PRCC: variants seen among roughly 807,000 people sequenced by gnomAD.
PRCC encodes the protein proline rich mitotic checkpoint control factor.
In PRCC, 10 loss-of-function variants were observed where a neutral mutation model predicts 44.0. The ratio of observed to expected loss-of-function variants is 0.23; its 90% CI spans 0.14 to 0.39. The LOEUF is 0.39. PRCC is among the 10% of genes least tolerant of loss of function. The probability of loss-of-function intolerance (pLI) is 1.00; values close to 1 mark genes in which losing one functional copy is unlikely to be tolerated. For synonymous variants in PRCC, 278 were observed against 259.5 expected, an observed-to-expected ratio of 1.07 and a Z score of -0.69; for missense variants, 573 against 624.7, an observed-to-expected ratio of 0.92 and a Z score of 0.88.
In PRCC at chr1:156,767,925, C is replaced by T. The variant is rs1443046072; in HGVS notation, c.154C>T (p.Pro52Ser). The T allele has an allele frequency of 1.3e-6, 2 of 1,593,524 alleles. No homozygotes were observed. The highest frequency in any genetic ancestry group is 1.7e-6 in the Non-Finnish European group (2 of 1,170,430). Residue 52 changes from proline to serine, a missense_variant, in exon 1 of 7, where the codon CCT becomes TCT. Around this residue, in one of 4 missense-constraint regions of PRCC, gnomAD observed 245 missense variants for 188.5 expected, o/e 1.30. Transcript: ENST00000271526. ...LPAPKGPALL[P>S]PPPQMLAPAF... Reference sequence around the variant, plus strand: ...TGCGCCCAAGGGTCCGGCCTTGCTGCCTCCGCCCCCTCAGATGCTGGCGCC... The same window carrying T: ...TGCGCCCAAGGGTCCGGCCTTGCTGTCTCCGCCCCCTCAGATGCTGGCGCC...
intron 4 of PRCC, among the ~76,000 whole-genome samples, chr1:156,792,053 CTTTTTTTTTTTTTTTTTTTTTT>C (rs67388360): frequency 3.4e-5 from 2 of 58,408 alleles, no homozygotes; most frequent in Non-Finnish European, 6.5e-5. Flanking sequence ...TAGTCCCCTT[CTTTTTTTTTTTTTTTTTTTTTT>C]TTTTTTGGTA....
chr1:156,793,840 C>T (rs1159892861), intron 4 of PRCC, among the ~76,000 whole-genome samples: 1 of 151,730 alleles, frequency 6.6e-6, no homozygotes, highest in Non-Finnish European at 1.5e-5. Context: ...ATTGCCCAGG[C>T]TTGTCTCAAA....
intron 1 of PRCC, among the ~76,000 whole-genome samples, chr1:156,774,704 C>T (rs1008610698): frequency 6.6e-6 from 1 of 151,646 alleles, no homozygotes. Flanking sequence ...CTGTAAACCC[C>T]GCACTTTGGG....
intron 6 of PRCC, among the ~76,000 whole-genome samples, chr1:156,797,848 A>G (rs1436730904): frequency 6.6e-6 from 1 of 152,232 alleles, no homozygotes; most frequent in Non-Finnish European, 1.5e-5. Flanking sequence ...TTTATTTAAT[A>G]TGACTGGGCA....
Position 156,767,662 on chromosome 1 carries a change from T to C in PRCC, c.-110T>C. The C allele has an allele frequency of 8.5e-7, 1 of 1,173,652 alleles. No individual in the cohort carries two copies. Among genetic ancestry groups the C allele is most frequent in the South Asian group, 1.6e-5 (1 of 62,008 alleles). 72.7% of individuals were successfully genotyped at this position (1,173,652 alleles called of 1,614,324 possible). A position where few individuals can be genotyped will look rare whatever the true frequency, so the allele number is the denominator to read the frequency against. On this transcript the variant is annotated 5_prime_UTR_variant, in exon 1 of 7. Transcript: ENST00000271526. ...GCCCTAGAGTACGGAGCAGGCGGAC[T>C]TTTCGGTTCCCCGCCCCGCCAGGTG...
At chr1:156,775,206 C>A (rs1651780082) in intron 1 of PRCC, among the ~76,000 whole-genome samples, 1 of 151,988 alleles carries the variant, frequency 6.6e-6, no homozygotes, top group Non-Finnish European at 1.5e-5. Flanking sequence ...CGAGATTGCG[C>A]CACTGCACTC....
chr1:156,770,404 C>T (rs977497135), intron 1 of PRCC, among the ~76,000 whole-genome samples: 34 of 152,294 alleles, frequency 2.2e-4, no homozygotes, highest in Admixed American at 1.4e-3. Flanking sequence ...GATGTAGTTT[C>T]GCTCCTGTTG....
At position 156,783,960 on chromosome 1, in the gene PRCC, T is replaced by TG. The variant is rs1553253010; in HGVS notation, c.516+1638dup. 4.0e-3 allele frequency among the ~76,000 whole-genome samples: 602 copies of TG among 150,128 alleles called. 5 individuals carry two copies. The highest frequency in any genetic ancestry group is 0.022 in the East Asian group (112 of 5,068). ...TTTATTTATTTAATTTTTTTTTTTTTGGGGGGGACGGAGTCTCGCTCTACC... is the reference window on the plus strand; with the variant it reads ...TTTATTTATTTAATTTTTTTTTTTTTGGGGGGGGACGGAGTCTCGCTCTACC... On this transcript the variant is annotated intron_variant, in intron 2 of 6. Transcript: ENST00000271526.
chr1:156,785,762 C>T (rs138640223), intron 2 of PRCC, among the ~76,000 whole-genome samples: 1,975 of 151,462 alleles, frequency 0.013, 19 homozygotes, highest in Non-Finnish European at 0.019. Context: ...GTCATTAGCG[C>T]TGCTGAGGGG....
intron 1 of PRCC, among the ~76,000 whole-genome samples, chr1:156,780,351 G>A (rs760214838): frequency 5.3e-5 from 8 of 151,894 alleles, no homozygotes; most frequent in African/African-American, 4.8e-5. Flanking sequence ...GAGCCACTGC[G>A]CCACACTGTC....
chr1:156,791,419 A>G (rs1652468180), intron 3 of PRCC: 1 of 496,614 alleles, frequency 2.0e-6, no homozygotes, highest in African/African-American at 1.9e-5. Flanking sequence ...CAAGGTATAG[A>G]TTGAAGCAGG....
chr1:156,782,359 T>C (rs1233305282), intron 2 of PRCC, 30 bp downstream of exon 2: 1 of 1,563,060 alleles, frequency 6.4e-7, no homozygotes, highest in Admixed American at 1.7e-5. Flanking sequence ...CCATTTTTTT[T>C]CTCTTCCTGT....
At position 156,788,745 on chromosome 1, in the gene PRCC, T is replaced by C. The variant is rs535757639; in HGVS notation, c.1083+1571T>C. ...TGGTGCGATCTCAGCTCGCCGCAAC[T>C]CTGCCTCCCAGGTTCAAGCGATTAT... On this transcript the variant is annotated intron_variant, in intron 3 of 6. Coordinates refer to ENST00000271526, the MANE Select transcript of PRCC (RefSeq NM_005973.5). Among the ~76,000 whole-genome samples the C allele has an allele frequency of 3.6e-5, 5 of 138,766 alleles. No individual in the cohort carries two copies. In the South Asian group the frequency reaches 1.2e-3, roughly 33 times the overall value. 91.0% of individuals were successfully genotyped at this position (138,766 alleles called of 152,430 possible).
chr1:156,771,822 C>G (rs1447992849), intron 1 of PRCC, among the ~76,000 whole-genome samples: 1 of 152,090 alleles, frequency 6.6e-6, no homozygotes, highest in South Asian at 2.1e-4. Flanking sequence ...TGAGCCACCA[C>G]GCCTAGCCTT....
In PRCC at chr1:156,767,792, C is replaced by T. The variant is rs757344952; in HGVS notation, c.21C>T (p.Ala7=). ...GCGCCATGTCGCTGGTTGCTTACGC[C>T]AGCAGCGATGAGAGCGAGCCGGATG... MSLVAY[A]SSDESEPDEA... Residue 7 remains alanine (A), a synonymous_variant, in exon 1 of 7, where the codon GCC becomes GCT. Transcript: ENST00000271526. 1 of 1,607,364 alleles carries T rather than the reference C, an allele frequency of 6.2e-7. No homozygotes were observed. The highest frequency in any genetic ancestry group is 8.5e-7 in the Non-Finnish European group (1 of 1,178,148).
Position 156,767,688 on chromosome 1 carries a change from G to A in PRCC, c.-84G>A. The A allele has an allele frequency of 7.2e-7, 1 of 1,383,052 alleles. No homozygotes were observed. Among genetic ancestry groups the A allele is most frequent in the Non-Finnish European group, 9.6e-7 (1 of 1,036,944 alleles). 85.7% of individuals were successfully genotyped at this position (1,383,052 alleles called of 1,614,324 possible). ...TTTCGGTTCCCCGCCCCGCCAGGTGGCGGGGCCTACTAGGCCTCCGGGCAT... is the reference window on the plus strand; with the variant it reads ...TTTCGGTTCCCCGCCCCGCCAGGTGACGGGGCCTACTAGGCCTCCGGGCAT... On this transcript the variant is annotated 5_prime_UTR_variant, in exon 1 of 7. Transcript: ENST00000271526.
At chr1:156,776,685 A>G (rs989890078) in intron 1 of PRCC, among the ~76,000 whole-genome samples, 1 of 152,228 alleles carries the variant, frequency 6.6e-6, no homozygotes, top group Non-Finnish European at 1.5e-5. Context: ...GTATAGTTTT[A>G]TAAATGTAAT....
intron 4 of PRCC, among the ~76,000 whole-genome samples, chr1:156,793,959 T>C (rs1264555742): frequency 8.9e-5 from 13 of 146,262 alleles, no homozygotes; most frequent in Non-Finnish European, 1.2e-4. Context: ...TCTTTCTTTT[T>C]TTTTTTTTTT....
intron 3 of PRCC, among the ~76,000 whole-genome samples, chr1:156,789,347 C>T (rs1652398362): frequency 6.6e-6 from 1 of 152,170 alleles, no homozygotes. Context: ...GGAGCACTTC[C>T]CCTATGTTGA....
Sources: allele counts gnomAD v4.1 joint callset (sites outside exome capture counted in the v4.1 genomes callset), GRCh38; gene constraint gnomAD v4.1.1; regional missense constraint gnomAD v4.1.1; transcripts MANE v1.5; gene names NCBI Gene and HGNC (gene_info 2026-07-23, HGNC 2026-07-21).